SLCO5A1: variants seen among roughly 807,000 people sequenced by gnomAD.
SLCO5A1 encodes the protein organic anion transporter polypeptide-related protein 4.
SLCO5A1 carries 39 observed loss-of-function variants against 65.1 expected under a neutral mutation model. The observed-to-expected ratio is 0.60, with a 90% CI of 0.46 to 0.78. SLCO5A1 has a LOEUF of 0.78. Among genes scored for constraint, SLCO5A1 ranks in the 30% least tolerant of loss-of-function variants. SLCO5A1 has a pLI of 0.00. For missense variants in SLCO5A1, 1,029 were observed against 1,069.4 expected, an observed-to-expected ratio of 0.96 and a Z score of 0.53; for synonymous variants, 438 against 415.7, an observed-to-expected ratio of 1.05 and a Z score of -0.65.
At chr8:69,783,839 T>G (rs1219590713) in intron 2 of SLCO5A1, among the ~76,000 whole-genome samples, 1 of 152,226 alleles carries the variant, frequency 6.6e-6, no homozygotes, top group Non-Finnish European at 1.5e-5. Flanking sequence ...TACATCATTA[T>G]ACATTTGTAC....
chr8:69,791,039 G>T (rs1470917792), intron 2 of SLCO5A1, among the ~76,000 whole-genome samples: 3 of 152,202 alleles, frequency 2.0e-5, no homozygotes, highest in African/African-American at 4.8e-5. Context: ...AGGGAGGAAT[G>T]GAGGGAGGAG....
At chr8:69,817,925 G>T (rs888766958) in intron 2 of SLCO5A1, among the ~76,000 whole-genome samples, 1 of 152,174 alleles carries the variant, frequency 6.6e-6, no homozygotes, top group African/African-American at 2.4e-5. Flanking sequence ...GCCTTAGAAG[G>T]TGAGCTCACC....
At chr8:69,723,015 A>G (rs535942043) in intron 5 of SLCO5A1, among the ~76,000 whole-genome samples, 1 of 152,324 alleles carries the variant, frequency 6.6e-6, no homozygotes, top group East Asian at 1.9e-4. Flanking sequence ...TCATGTTAGT[A>G]TAAGACACAA....
intron 6 of SLCO5A1, among the ~76,000 whole-genome samples, chr8:69,703,550 G>A (rs34067156): frequency 0.04 from 6,087 of 152,170 alleles, 235 homozygotes; most frequent in African/African-American, 0.097. Flanking sequence ...TTAAAGATTA[G>A]GAACAACCCA....
In SLCO5A1 at chr8:69,668,671, A is replaced by G. The variant is rs1813248706; in HGVS notation, c.*4198T>C. 1 of 152,160 alleles carries G rather than the reference A, an allele frequency of 6.6e-6. No individual in the cohort carries two copies. The highest frequency in any genetic ancestry group is 6.5e-5 in the Admixed American group (1 of 15,274). The allele number at this position is 152,160 out of a possible 1,614,324, so 9.4% of individuals were successfully genotyped here. A position where few individuals can be genotyped will look rare whatever the true frequency, so the allele number is the denominator to read the frequency against. ...CGGTTTCTACAAAACAGGGCCAAAA[A>G]GACACTTTCTGGCTCCAAGTGCACC... On this transcript the variant is annotated 3_prime_UTR_variant, in exon 10 of 10. Transcript: ENST00000260126.
At chr8:69,796,353 C>T (rs1819501299) in intron 2 of SLCO5A1, among the ~76,000 whole-genome samples, 1 of 151,958 alleles carries the variant, frequency 6.6e-6, no homozygotes, top group South Asian at 2.1e-4. Context: ...GTGGCTCACA[C>T]CTGTAATCAC....
chr8:69,793,839 G>A (rs1227000353), intron 2 of SLCO5A1, among the ~76,000 whole-genome samples: 2 of 151,980 alleles, frequency 1.3e-5, no homozygotes, highest in East Asian at 3.9e-4. Context: ...AAAAATGAGA[G>A]GGAAAGGGAG....
Position 69,705,240 on chromosome 8 carries a change from G to A in SLCO5A1, c.1424-11C>T. 3.1e-6 allele frequency: 5 copies of A among 1,611,712 alleles called. No individual in the cohort carries two copies. Among genetic ancestry groups the A allele is most frequent in the South Asian group, 2.2e-5 (2 of 91,020 alleles). ...GGACGATAATAACCCCTGGGGAGAA[G>A]AGAAGGAGAGGATTAATTTGAACTC... On this transcript the variant is annotated splice_polypyrimidine_tract_variant and intron_variant, in intron 5 of 9. Coordinates refer to ENST00000260126, the MANE Select transcript of SLCO5A1 (RefSeq NM_030958.3).
intron 2 of SLCO5A1, among the ~76,000 whole-genome samples, chr8:69,801,993 TCC>T (rs1819761264): frequency 6.6e-6 from 1 of 152,208 alleles, no homozygotes; most frequent in African/African-American, 2.4e-5. Context: ...ATTTCTCTGC[TCC>T]TCAGTTTTCC....
chr8:69,776,484 G>A (rs796108873), intron 2 of SLCO5A1, among the ~76,000 whole-genome samples: 30 of 152,252 alleles, frequency 2.0e-4, no homozygotes, highest in African/African-American at 5.3e-4. Context: ...CTTGAGCTCA[G>A]TTCAGGACCA....
intron 2 of SLCO5A1, among the ~76,000 whole-genome samples, chr8:69,828,596 G>A (rs1353351223): frequency 2.7e-5 from 4 of 149,760 alleles, no homozygotes; most frequent in Non-Finnish European, 5.9e-5. Flanking sequence ...AGCGAGACTC[G>A]TCTCAAAAAA....
At chr8:69,736,531 A>T (rs1816569033) in intron 5 of SLCO5A1, among the ~76,000 whole-genome samples, 1 of 152,226 alleles carries the variant, frequency 6.6e-6, no homozygotes, top group African/African-American at 2.4e-5. Flanking sequence ...GGCACACAGT[A>T]TGGCTTCCCT....
chr8:69,688,332 ATT>A (rs55649598), intron 6 of SLCO5A1, among the ~76,000 whole-genome samples: 7 of 150,748 alleles, frequency 4.6e-5, no homozygotes, highest in African/African-American at 1.7e-4. Context: ...TGGTGCTAAA[ATT>A]TTTTTTTTAT....
rs1371235033 is a variant in SLCO5A1, at chr8:69,703,566, C to T, written c.1622+1465G>A. Among the ~76,000 whole-genome samples the T allele has an allele frequency of 4.6e-5, 7 of 152,086 alleles. No individual in the cohort carries two copies. In the East Asian group the frequency reaches 9.6e-4, roughly 21 times the overall value. On this transcript the variant is annotated intron_variant, in intron 6 of 9. Coordinates refer to ENST00000260126, the MANE Select transcript of SLCO5A1 (RefSeq NM_030958.3). ...TAAAGATTAGGAACAACCCACTGCC[C>T]ACCAAATGGGGGCAGGTTAAATACA...
At chr8:69,766,548 T>C (rs1405956323) in intron 2 of SLCO5A1, among the ~76,000 whole-genome samples, 1 of 152,152 alleles carries the variant, frequency 6.6e-6, no homozygotes, top group Non-Finnish European at 1.5e-5. Flanking sequence ...TGCATGTGTG[T>C]GTTTTGAATG....
At chr8:69,698,182 G>A (rs570225570) in intron 6 of SLCO5A1, among the ~76,000 whole-genome samples, 5 of 152,292 alleles carry the variant, frequency 3.3e-5, no homozygotes, top group Admixed American at 6.5e-5. Context: ...CAAAGGGAAC[G>A]GTCTCATTCT....
At chr8:69,813,556 C>T (rs933539752) in intron 2 of SLCO5A1, among the ~76,000 whole-genome samples, 1 of 152,156 alleles carries the variant, frequency 6.6e-6, no homozygotes, top group African/African-American at 2.4e-5. Context: ...AGGTAATACA[C>T]AGCTGCTGGG....
At chr8:69,715,139 A>C (rs1815452133) in intron 5 of SLCO5A1, among the ~76,000 whole-genome samples, 1 of 152,218 alleles carries the variant, frequency 6.6e-6, no homozygotes, top group Non-Finnish European at 1.5e-5. Flanking sequence ...GGCAAAAACC[A>C]CTTGAAACGA....
chr8:69,696,043 A>C (rs1187937173), intron 6 of SLCO5A1, among the ~76,000 whole-genome samples: 1 of 152,238 alleles, frequency 6.6e-6, no homozygotes, highest in Non-Finnish European at 1.5e-5. Context: ...ATTGGAACTC[A>C]TACATTTGTA....
Sources: gnomAD v4.1 joint callset for allele counts (sites outside exome capture counted in the v4.1 genomes callset) on GRCh38, gnomAD v4.1.1 for gene constraint, MANE v1.5 for transcripts, NCBI Gene and HGNC (gene_info 2026-07-23, HGNC 2026-07-21) for gene names.